Variants in BTRC observed in about 807,000 individuals in gnomAD.
The protein encoded by BTRC is F-box/WD repeat-containing protein 1A.
Under a neutral mutation model 85.5 loss-of-function variants are expected in BTRC, and 42 were observed. That is an observed-to-expected ratio of 0.49 (90% confidence interval 0.38 to 0.64). BTRC has a LOEUF of 0.64. Among genes scored for constraint, BTRC ranks in the 30% least tolerant of loss-of-function variants. BTRC has a pLI of 0.00. For missense variants in BTRC, 594 were observed against 743.5 expected (o/e 0.80, Z 2.34); for synonymous variants, 255 against 263.3 (o/e 0.97, Z 0.30).
At chr10:101,426,744 G>A (rs1204090139) in intron 1 of BTRC, among the ~76,000 whole-genome samples, 1 of 152,138 alleles carries the variant, frequency 6.6e-6, no homozygotes, top group Non-Finnish European at 1.5e-5. Flanking sequence ...AAATAAATAT[G>A]TATATTTTAA....
intron 3 of BTRC, among the ~76,000 whole-genome samples, chr10:101,472,156 T>A (rs1348138243): frequency 6.6e-6 from 1 of 152,234 alleles, no homozygotes; most frequent in Non-Finnish European, 1.5e-5. Context: ...TTCACATTGA[T>A]AACTCCAATT....
intron 13 of BTRC, among the ~76,000 whole-genome samples, chr10:101,550,494 G>A (rs1424149084): frequency 1.3e-5 from 2 of 152,056 alleles, no homozygotes; most frequent in South Asian, 2.1e-4. Flanking sequence ...GTGTTAGCCA[G>A]GATGGTCTCG....
intron 1 of BTRC, among the ~76,000 whole-genome samples, chr10:101,406,963 C>T (rs1035244561): frequency 6.6e-6 from 1 of 151,980 alleles, no homozygotes; most frequent in Non-Finnish European, 1.5e-5. Context: ...CTGTCCTGAT[C>T]ATCTGTCCTT....
chr10:101,417,746 G>A (rs1486149220), intron 1 of BTRC, among the ~76,000 whole-genome samples: 3 of 152,022 alleles, frequency 2.0e-5, no homozygotes, highest in Admixed American at 6.6e-5. Context: ...GTGCAGTGGC[G>A]TGATCCTCAT....
intron 4 of BTRC, among the ~76,000 whole-genome samples, chr10:101,483,157 T>C (rs1945886415): frequency 6.6e-6 from 1 of 152,194 alleles, no homozygotes; most frequent in African/African-American, 2.4e-5. Flanking sequence ...AATATCATAG[T>C]CTTATGATAG....
At chr10:101,536,260 G>A (rs531178616) in intron 11 of BTRC, among the ~76,000 whole-genome samples, 8 of 152,316 alleles carry the variant, frequency 5.3e-5, no homozygotes, top group South Asian at 2.1e-4. Context: ...AGGCAACTGC[G>A]TGCATTGAAT....
Position 101,416,572 on chromosome 10 carries a change from T to C in BTRC, c.49-13773T>C, listed in dbSNP as rs141353449. ...GTTGTTGTTGTTGTTATTGTTGTTG[T>C]TGTTTTTTACCAGGGTACCTTGTCC... is the stretch of plus-strand genomic sequence containing the variant. On this transcript the variant is annotated intron_variant, in intron 1 of 14. Coordinates refer to ENST00000370187, the MANE Select transcript of BTRC (RefSeq NM_033637.4). Among the ~76,000 whole-genome samples, 458 of 152,278 alleles carry C rather than the reference T, an allele frequency of 3.0e-3. 2 individuals carry two copies. Among genetic ancestry groups the C allele is most frequent in the African/African-American group, 0.011 (444 of 41,550 alleles).
rs1942424428 is a variant in BTRC, at chr10:101,366,889, TA to T, written c.48+12662del. On this transcript the variant is annotated intron_variant, in intron 1 of 14. Transcript: ENST00000370187. ...ATATTAATATATATTTATATATATT[TA>T]TATATATTTATATATATTAATATAT... is the stretch of plus-strand genomic sequence containing the variant. Among the ~76,000 whole-genome samples, 14 of 22,654 alleles carry T rather than the reference TA, an allele frequency of 6.2e-4. 2 individuals carry two copies. The highest frequency in any genetic ancestry group is 1.7e-3 in the African/African-American group (14 of 8,042). The allele number at this position is 22,654 out of a possible 152,430, so 14.9% of individuals were successfully genotyped here.
chr10:101,395,722 T>C (rs557001137), intron 1 of BTRC, among the ~76,000 whole-genome samples: 36 of 152,160 alleles, frequency 2.4e-4, no homozygotes, highest in Non-Finnish European at 4.9e-4. Flanking sequence ...CTACAAAATT[T>C]ATTAAATTAT....
chr10:101,534,690 T>A lies in BTRC; in HGVS notation c.1127T>A (p.Leu376Gln). The change falls in exon 10 of 15, where the codon CTA becomes CAA. Residue 376 changes from leucine to glutamine, a missense_variant. Leu to Gln is a moderately radical substitution (Grantham distance 113, BLOSUM62 -2). Transcript: ENST00000370187. The part of the protein sequence containing the change: ...RVWDVNTGEM[L>Q]NTLIHHCEAV... Reference sequence around the variant, plus strand: ...TGGGATGTAAATACAGGTGAAATGCTAAACACGTTGATTCACCATTGTGAA... The same window carrying A: ...TGGGATGTAAATACAGGTGAAATGCAAAACACGTTGATTCACCATTGTGAA... The A allele has an allele frequency of 6.2e-6, 10 of 1,614,204 alleles. No individual in the cohort carries two copies. The highest frequency in any genetic ancestry group is 6.8e-6 in the Non-Finnish European group (8 of 1,180,034).
At chr10:101,455,983 A>AACACACACACAAACACAC (rs1208791807) in intron 2 of BTRC, among the ~76,000 whole-genome samples, 3 of 96,044 alleles carry the variant, frequency 3.1e-5, no homozygotes, top group East Asian at 6.1e-4. Flanking sequence ...CTCTACTAAA[A>AACACACACACAAACACAC]ACACACACAC....
intron 1 of BTRC, among the ~76,000 whole-genome samples, chr10:101,357,277 C>G (rs1314146236): frequency 6.7e-6 from 1 of 150,030 alleles, no homozygotes; most frequent in South Asian, 2.1e-4. Flanking sequence ...CCTGTCTCTA[C>G]TAAAAATACA....
intron 1 of BTRC, among the ~76,000 whole-genome samples, chr10:101,383,505 C>T (rs897278588): frequency 6.6e-6 from 1 of 151,792 alleles, no homozygotes; most frequent in Non-Finnish European, 1.5e-5. Context: ...CGTTTTCTTC[C>T]TTTCTTCTTT....
intron 3 of BTRC, among the ~76,000 whole-genome samples, chr10:101,465,164 C>T (rs1253706222): frequency 6.6e-6 from 1 of 151,926 alleles, no homozygotes; most frequent in Non-Finnish European, 1.5e-5. Context: ...ATGTCAAGGC[C>T]GCCTTATACC....
intron 2 of BTRC, among the ~76,000 whole-genome samples, chr10:101,451,492 T>A (rs955277832): frequency 6.6e-6 from 1 of 152,238 alleles, no homozygotes; most frequent in African/African-American, 2.4e-5. Context: ...TGTCATGCGC[T>A]TTGACATAAC....
intron 1 of BTRC, among the ~76,000 whole-genome samples, chr10:101,423,574 T>C (rs1172056234): frequency 6.6e-6 from 1 of 152,230 alleles, no homozygotes; most frequent in African/African-American, 2.4e-5. Flanking sequence ...ACTACTTGAG[T>C]CTGTGGATTT....
intron 1 of BTRC, among the ~76,000 whole-genome samples, chr10:101,414,116 A>G (rs1486066381): frequency 6.6e-6 from 1 of 152,194 alleles, no homozygotes; most frequent in Non-Finnish European, 1.5e-5. Flanking sequence ...TCATTAAATA[A>G]CAACTCCCCA....
intron 6 of BTRC, 39 bp from the exon 7 acceptor site, chr10:101,531,198 T>C: frequency 7.0e-7 from 1 of 1,432,368 alleles, no homozygotes; most frequent in South Asian, 1.2e-5. Context: ...AAATATATAA[T>C]GTCATGATTT....
At chr10:101,365,413 G>A (rs1334723379) in intron 1 of BTRC, among the ~76,000 whole-genome samples, 1 of 150,096 alleles carries the variant, frequency 6.7e-6, no homozygotes, top group Non-Finnish European at 1.5e-5. Context: ...CACTCACTCT[G>A]TCACCCAGGC....
Sources: allele counts gnomAD v4.1 joint callset (sites outside exome capture counted in the v4.1 genomes callset), GRCh38; gene constraint gnomAD v4.1.1; transcripts MANE v1.5; gene names NCBI Gene and HGNC (gene_info 2026-07-23, HGNC 2026-07-21).